Variants in MECOM observed in about 807,000 individuals in gnomAD.
MECOM encodes the protein histone-lysine N-methyltransferase MECOM.
A neutral mutation model predicts 116.3 loss-of-function variants in MECOM; 13 were observed. That is an observed-to-expected ratio of 0.11 (90% CI 0.07 to 0.18). The LOEUF is 0.18. MECOM is among the 10% of genes least tolerant of loss of function. MECOM has a pLI of 1.00. For missense variants in MECOM, 1,299 were observed against 1,509.0 expected (o/e 0.86, Z 2.31); for synonymous variants, 528 against 535.2 (o/e 0.99, Z 0.19).
chr3:169,112,345 AC>A (rs1157335434), intron 9 of MECOM, among the ~76,000 whole-genome samples: 1 of 151,998 alleles, frequency 6.6e-6, no homozygotes, highest in African/African-American at 2.4e-5. Context: ...AAATTCCTTC[AC>A]CCTCTATGGT....
intron 1 of MECOM, among the ~76,000 whole-genome samples, chr3:169,580,764 A>T (rs753697380): frequency 1.7e-4 from 26 of 152,236 alleles, no homozygotes; most frequent in Non-Finnish European, 3.4e-4. Context: ...ATTTAAGAGC[A>T]GATTGTGTGT....
chr3:169,288,350 T>G (rs1713803514), intron 2 of MECOM, among the ~76,000 whole-genome samples: 1 of 152,138 alleles, frequency 6.6e-6, no homozygotes, highest in Non-Finnish European at 1.5e-5. Context: ...TGCTACAACA[T>G]AAAGAGTATC....
At chr3:169,455,862 A>C (rs1410534525) in intron 1 of MECOM, among the ~76,000 whole-genome samples, 1 of 152,062 alleles carries the variant, frequency 6.6e-6, no homozygotes, top group Non-Finnish European at 1.5e-5. Flanking sequence ...TGTTGCTCTT[A>C]TTGGTTTGAC....
At chr3:169,616,680 G>A (rs751981134) in intron 1 of MECOM, among the ~76,000 whole-genome samples, 4 of 152,062 alleles carry the variant, frequency 2.6e-5, no homozygotes, top group Non-Finnish European at 2.9e-5. Flanking sequence ...CAAAGATTTC[G>A]GCTTCACTGA....
At chr3:169,644,264 ATTTATTTATT>A (rs1773872771) in intron 1 of MECOM, among the ~76,000 whole-genome samples, 1 of 149,266 alleles carries the variant, frequency 6.7e-6, no homozygotes, top group African/African-American at 2.5e-5. Flanking sequence ...TTATTTATTT[ATTTATTTATT>A]GAGACAGGGT....
intron 2 of MECOM, among the ~76,000 whole-genome samples, chr3:169,337,379 A>G (rs1362964449): frequency 6.6e-6 from 1 of 152,204 alleles, no homozygotes; most frequent in Non-Finnish European, 1.5e-5. Flanking sequence ...GTTCAAAAGC[A>G]TAAGCTTGGA....
At chr3:169,265,700 G>A (rs1191365952) in intron 2 of MECOM, among the ~76,000 whole-genome samples, 1 of 152,188 alleles carries the variant, frequency 6.6e-6, no homozygotes, top group Non-Finnish European at 1.5e-5. Flanking sequence ...CGCATACTAA[G>A]TCACATGCTT....
chr3:169,504,818 C>T (rs73174333), intron 1 of MECOM, among the ~76,000 whole-genome samples: 16,001 of 152,158 alleles, frequency 0.11, 931 homozygotes, highest in Non-Finnish European at 0.12. Flanking sequence ...AGAAATCCCC[C>T]GCAAAGTGAT....
intron 2 of MECOM, among the ~76,000 whole-genome samples, chr3:169,260,507 A>G (rs1757409670): frequency 2.0e-5 from 3 of 148,770 alleles, no homozygotes; most frequent in Admixed American, 1.4e-4. Context: ...AAATGGTGTC[A>G]TTGTTCTTGG....
chr3:169,302,068 A>G (rs1716818468), intron 2 of MECOM, among the ~76,000 whole-genome samples: 3 of 152,202 alleles, frequency 2.0e-5, no homozygotes, highest in African/African-American at 7.2e-5. Flanking sequence ...CTAGGTTATC[A>G]AATATGAAGA....
chr3:169,420,702 C>CT (rs1310500044), intron 1 of MECOM, among the ~76,000 whole-genome samples: 1 of 152,076 alleles, frequency 6.6e-6, no homozygotes, highest in Non-Finnish European at 1.5e-5. Flanking sequence ...TCAATTTTTA[C>CT]TTTCAATTTC....
At chr3:169,493,876 G>A (rs142787265) in intron 1 of MECOM, among the ~76,000 whole-genome samples, 9 of 152,066 alleles carry the variant, frequency 5.9e-5, no homozygotes, top group African/African-American at 1.9e-4. Flanking sequence ...AGGAACCATA[G>A]AGAGATTGAC....
chr3:169,231,964 A>G (rs1461364602), intron 2 of MECOM, among the ~76,000 whole-genome samples: 1 of 152,116 alleles, frequency 6.6e-6, no homozygotes, highest in Admixed American at 6.6e-5. Context: ...TTCAGCATCA[A>G]ACATTTGAGA....
intron 1 of MECOM, among the ~76,000 whole-genome samples, chr3:169,636,665 T>A (rs1054051146): frequency 6.6e-6 from 1 of 152,180 alleles, no homozygotes; most frequent in African/African-American, 2.4e-5. Flanking sequence ...GACCATTATA[T>A]CAGGTGAGCC....
intron 2 of MECOM, among the ~76,000 whole-genome samples, chr3:169,156,447 T>A (rs1302945106): frequency 6.6e-6 from 1 of 152,096 alleles, no homozygotes; most frequent in East Asian, 1.9e-4. Context: ...TGTTCTCAAC[T>A]CTTGATAAAA....
chr3:169,282,626 C>T (rs1432891309), intron 2 of MECOM, among the ~76,000 whole-genome samples: 1 of 152,128 alleles, frequency 6.6e-6, no homozygotes, highest in Non-Finnish European at 1.5e-5. Context: ...GTGACCGACG[C>T]TGCCATTCAC....
chr3:169,152,329 T>A (rs1004866659), intron 2 of MECOM, among the ~76,000 whole-genome samples: 1 of 152,160 alleles, frequency 6.6e-6, no homozygotes, highest in Non-Finnish European at 1.5e-5. Context: ...AAAATTTCCC[T>A]TGGTCTGGAA....
At chr3:169,500,633 T>C (rs1382855034) in intron 1 of MECOM, among the ~76,000 whole-genome samples, 1 of 151,972 alleles carries the variant, frequency 6.6e-6, no homozygotes, top group Non-Finnish European at 1.5e-5. Context: ...AACAAATGTT[T>C]TAAAATTTTA....
chr3:169,645,159 G>A (rs1469262007), intron 1 of MECOM, among the ~76,000 whole-genome samples: 1 of 152,184 alleles, frequency 6.6e-6, no homozygotes, highest in Non-Finnish European at 1.5e-5. Context: ...GTATATGGAA[G>A]TCTGTGACTG....
Sources: gnomAD v4.1 joint callset for allele counts (sites outside exome capture counted in the v4.1 genomes callset) on GRCh38, gnomAD v4.1.1 for gene constraint, MANE v1.5 for transcripts, NCBI Gene and HGNC (gene_info 2026-07-23, HGNC 2026-07-21) for gene names.